The following NXPE2 variants were observed in gnomAD, a reference collection of about 807,000 sequenced individuals.
NXPE2 encodes NXPE family member 2.
A neutral mutation model predicts 34.4 loss-of-function variants in NXPE2; 34 were observed. The observed-to-expected ratio is 0.99, with a 90% CI of 0.75 to 1.31. The LOEUF (loss-of-function observed/expected upper bound fraction) is 1.31. Ranked by LOEUF, NXPE2 falls within the 40% of genes most tolerant of loss-of-function variation. The pLI is 0.00. For synonymous variants in NXPE2, 235 were observed against 231.3 expected, an observed-to-expected ratio of 1.02 and a Z score of -0.15; for missense variants, 649 against 672.5, an observed-to-expected ratio of 0.97 and a Z score of 0.39.
chr11:114,751,863 AG>A, the NXPE2 span, among the ~76,000 whole-genome samples: 2 of 152,184 alleles, frequency 1.3e-5, no homozygotes, highest in African/African-American at 2.4e-5. Context: ...GGTTAGAGTC[AG>A]AGAAGGCAAC....
At chr11:114,807,869 C>T in the NXPE2 span, among the ~76,000 whole-genome samples, 5 of 152,132 alleles carry the variant, frequency 3.3e-5, no homozygotes, top group Non-Finnish European at 7.4e-5. Context: ...GACCTCTCCA[C>T]CCCAAATCAA....
chr11:114,624,364 G>A, the NXPE2 span, among the ~76,000 whole-genome samples: 1 of 152,026 alleles, frequency 6.6e-6, no homozygotes, highest in Non-Finnish European at 1.5e-5. Context: ...TTGCCCCAGG[G>A]TAACCACTGT....
the NXPE2 span, among the ~76,000 whole-genome samples, chr11:114,729,064 C>T: frequency 1.3e-5 from 2 of 151,986 alleles, no homozygotes; most frequent in South Asian, 4.2e-4. Flanking sequence ...TCAACCCTTA[C>T]CCCCTCCCTT....
the NXPE2 span, among the ~76,000 whole-genome samples, chr11:114,753,237 CA>C: frequency 6.6e-6 from 1 of 151,906 alleles, no homozygotes; most frequent in Non-Finnish European, 1.5e-5. Flanking sequence ...ACAAAAAATG[CA>C]AAAAGTTAGC....
the NXPE2 span, among the ~76,000 whole-genome samples, chr11:114,481,447 G>T: frequency 6.6e-6 from 1 of 152,066 alleles, no homozygotes; most frequent in Non-Finnish European, 1.5e-5. Flanking sequence ...CAACAATAGC[G>T]CTTTCCTTAG....
the NXPE2 span, among the ~76,000 whole-genome samples, chr11:114,786,362 C>CCG: frequency 1.7e-5 from 2 of 121,142 alleles, no homozygotes; most frequent in Non-Finnish European, 3.4e-5. Flanking sequence ...TCTACCCCCG[C>CCG]CCCCCGCCCC....
chr11:114,704,086 C>T, intron 4 of NXPE2, 34 bp downstream of exon 4: 1 of 1,435,944 alleles, frequency 7.0e-7, no homozygotes, highest in Non-Finnish European at 9.6e-7. Flanking sequence ...GCCATGATCA[C>T]AATTTATCCA....
chr11:114,500,463 G>C, the NXPE2 span, among the ~76,000 whole-genome samples: 1 of 152,014 alleles, frequency 6.6e-6, no homozygotes, highest in African/African-American at 2.4e-5. Context: ...TTAAAAAAAT[G>C]GGTTGTCTGT....
chr11:114,630,999 G>A, the NXPE2 span, among the ~76,000 whole-genome samples: 2 of 150,892 alleles, frequency 1.3e-5, no homozygotes, highest in Admixed American at 1.3e-4. Context: ...AGTTAGAATG[G>A]CAATCATTAA....
chr11:114,761,990 A>G, the NXPE2 span, among the ~76,000 whole-genome samples: 2 of 152,238 alleles, frequency 1.3e-5, no homozygotes, highest in African/African-American at 2.4e-5. Flanking sequence ...CGTGCCTTCA[A>G]GGTACTTAAG....
the NXPE2 span, among the ~76,000 whole-genome samples, chr11:114,771,206 A>G: frequency 3.3e-5 from 5 of 151,566 alleles, no homozygotes; most frequent in African/African-American, 1.2e-4. Context: ...TTGCAGACTG[A>G]CTTCATTCCC....
chr11:114,608,007 G>A, the NXPE2 span, among the ~76,000 whole-genome samples: 2 of 150,482 alleles, frequency 1.3e-5, no homozygotes, highest in Admixed American at 6.7e-5. Context: ...GTGGATAAAT[G>A]TTGCCTCAGG....
the NXPE2 span, among the ~76,000 whole-genome samples, chr11:114,549,440 T>A: frequency 6.6e-6 from 1 of 152,092 alleles, no homozygotes; most frequent in Non-Finnish European, 1.5e-5. Flanking sequence ...ATACACATTT[T>A]GTTCCGTTTT....
chr11:114,734,694 G>A, the NXPE2 span, among the ~76,000 whole-genome samples: 1 of 152,124 alleles, frequency 6.6e-6, no homozygotes, highest in Non-Finnish European at 1.5e-5. Flanking sequence ...TTGTGAATTA[G>A]CAGGTTTGGT....
downstream of NXPE2, among the ~76,000 whole-genome samples, chr11:114,709,013 G>A (rs1253368346): frequency 6.6e-6 from 1 of 152,110 alleles, no homozygotes; most frequent in Non-Finnish European, 1.5e-5. Flanking sequence ...CAAATTGAAT[G>A]TTTTAATTTA....
chr11:114,585,366 T>C, the NXPE2 span, among the ~76,000 whole-genome samples: 2 of 152,040 alleles, frequency 1.3e-5, no homozygotes, highest in Admixed American at 6.6e-5. Context: ...AAGACCTAAC[T>C]CTATCCTTCT....
At chr11:114,669,704 G>A in the NXPE2 span, among the ~76,000 whole-genome samples, 3 of 152,050 alleles carry the variant, frequency 2.0e-5, no homozygotes, top group Non-Finnish European at 4.4e-5. Context: ...AAGAGAGGCA[G>A]GTCATAGCAA....
the NXPE2 span, among the ~76,000 whole-genome samples, chr11:114,475,239 T>TTTTTTTTG: frequency 1.8e-5 from 1 of 56,742 alleles, no homozygotes; most frequent in Non-Finnish European, 3.1e-5. Context: ...TTTTTTTTTT[T>TTTTTTTTG]TTTTTTTTTT....
At chr11:114,508,535 A>T in the NXPE2 span, among the ~76,000 whole-genome samples, 1 of 152,204 alleles carries the variant, frequency 6.6e-6, no homozygotes, top group African/African-American at 2.4e-5. Flanking sequence ...GTATTGGTAT[A>T]AGAACATACA....
Sources: allele counts gnomAD v4.1 joint callset (sites outside exome capture counted in the v4.1 genomes callset), GRCh38; gene constraint gnomAD v4.1.1; transcripts MANE v1.5; gene names NCBI Gene and HGNC (gene_info 2026-07-23, HGNC 2026-07-21).